PLCB1: variants seen among roughly 807,000 people sequenced by gnomAD.
PLCB1 encodes phospholipase C beta 1.
In PLCB1, 46 loss-of-function variants were observed where a neutral mutation model predicts 161.8. That is an observed-to-expected ratio of 0.28 (90% CI 0.22 to 0.36). The LOEUF (loss-of-function observed/expected upper bound fraction) is 0.36, where lower values mean the gene tolerates loss of function less well. Among genes scored for constraint, PLCB1 ranks in the 10% least tolerant of loss-of-function variants. The pLI, the probability that PLCB1 is intolerant of heterozygous loss-of-function variation, is 1.00. For synonymous variants in PLCB1, 517 were observed against 503.7 expected (o/e 1.03, Z -0.35); for missense variants, 1,016 against 1,472.5 (o/e 0.69, Z 5.07).
chr20:8,794,552 A>G (rs1287239309), intron 31 of PLCB1, among the ~76,000 whole-genome samples: 1 of 152,168 alleles, frequency 6.6e-6, no homozygotes, highest in Non-Finnish European at 1.5e-5. Flanking sequence ...ATGACATCAT[A>G]TTTCTTCCTG....
chr20:8,721,428 C>T (rs946557103), intron 14 of PLCB1, among the ~76,000 whole-genome samples: 5 of 152,070 alleles, frequency 3.3e-5, no homozygotes, highest in African/African-American at 9.7e-5. Context: ...TTTTATATAA[C>T]GGATATTTCT....
chr20:8,768,164 G>A (rs558475261), intron 26 of PLCB1, among the ~76,000 whole-genome samples: 1 of 152,248 alleles, frequency 6.6e-6, no homozygotes, highest in African/African-American at 2.4e-5. Flanking sequence ...GAAGGACTCT[G>A]TCTCAAGACA....
chr20:8,618,834 G>C (rs1462979224), intron 3 of PLCB1, among the ~76,000 whole-genome samples: 1 of 152,060 alleles, frequency 6.6e-6, no homozygotes, highest in African/African-American at 2.4e-5. Flanking sequence ...GCTTTGAATT[G>C]TTAAGATCTT....
chr20:8,637,031 CAA>C (rs5840275), intron 4 of PLCB1, among the ~76,000 whole-genome samples: 39 of 122,128 alleles, frequency 3.2e-4, no homozygotes, highest in South Asian at 7.9e-4. Flanking sequence ...ATGAGCACCA[CAA>C]AAAAAAAAAA....
At chr20:8,487,129 T>C (rs917460871) in intron 3 of PLCB1, among the ~76,000 whole-genome samples, 2 of 152,238 alleles carry the variant, frequency 1.3e-5, no homozygotes. Context: ...TATATGTGTG[T>C]GTCTATGTGT....
chr20:8,506,283 A>G (rs559662408), intron 3 of PLCB1, among the ~76,000 whole-genome samples: 1 of 152,320 alleles, frequency 6.6e-6, no homozygotes, highest in Non-Finnish European at 1.5e-5. Flanking sequence ...ACCTAACTCA[A>G]TTGAACTTGC....
At chr20:8,612,412 C>T (rs1987930234) in intron 3 of PLCB1, among the ~76,000 whole-genome samples, 2 of 152,094 alleles carry the variant, frequency 1.3e-5, no homozygotes, top group Admixed American at 1.3e-4. Flanking sequence ...TCATCTTTGC[C>T]GTCCATTGGA....
At chr20:8,223,052 A>G (rs1979497021) in intron 2 of PLCB1, among the ~76,000 whole-genome samples, 1 of 152,166 alleles carries the variant, frequency 6.6e-6, no homozygotes, top group African/African-American at 2.4e-5. Context: ...TGATAGGTAA[A>G]TGTTCCAACT....
rs1978587225 is a variant in PLCB1, at chr20:8,704,985, T to TTTTTTTTTTC, written c.1168-3676_1168-3675insCTTTTTTTTT. ...AGAAACAGCAAATTCTCCTTTACTC[T>TTTTTTTTTTC]TTTTTTTTTTTTCCTATTCAGGCTT... On this transcript the variant is annotated intron_variant, in intron 11 of 31. Transcript: ENST00000338037. Among the ~76,000 whole-genome samples the TTTTTTTTTTC allele has an allele frequency of 8.9e-4, 5 of 5,598 alleles. No homozygotes were observed. The East Asian group carries it at 0.1, about 112-fold the overall frequency. The allele number at this position is 5,598 out of a possible 152,430, so 3.7% of individuals were successfully genotyped here.
intron 3 of PLCB1, among the ~76,000 whole-genome samples, chr20:8,413,653 CTGTT>C (rs2122519763): frequency 6.6e-6 from 1 of 152,312 alleles, no homozygotes; most frequent in East Asian, 1.9e-4. Context: ...GCTATTACCA[CTGTT>C]TGACCACAAA....
chr20:8,490,247 T>C (rs140506480), intron 3 of PLCB1, among the ~76,000 whole-genome samples: 29 of 152,230 alleles, frequency 1.9e-4, no homozygotes, highest in African/African-American at 6.5e-4. Context: ...GCCAAAAAAA[T>C]TAAGAGCCAT....
At chr20:8,730,998 C>G (rs2123495571) in intron 18 of PLCB1, among the ~76,000 whole-genome samples, 1 of 151,886 alleles carries the variant, frequency 6.6e-6, no homozygotes, top group African/African-American at 2.4e-5. Context: ...GTAATTTAAT[C>G]ATATCTCATT....
At position 8,316,166 on chromosome 20, in the gene PLCB1, G is replaced by A. The variant is rs1600308575; in HGVS notation, c.178-55216G>A. Among the ~76,000 whole-genome samples, 8 of 152,254 alleles carry A rather than the reference G, an allele frequency of 5.3e-5. 1 individual carries two copies. The South Asian group carries it at 1.0e-3, about 20-fold the overall frequency. On this transcript the variant is annotated intron_variant, in intron 2 of 31. Coordinates refer to ENST00000338037, the MANE Select transcript of PLCB1 (RefSeq NM_015192.4). ...TCTGACACTGCTAACTCTACAAAGC[G>A]CTCAAGCTGCAGATCAACATTTGTT...
intron 3 of PLCB1, among the ~76,000 whole-genome samples, chr20:8,405,678 T>C (rs1299014416): frequency 1.3e-5 from 2 of 152,180 alleles, no homozygotes; most frequent in Admixed American, 1.3e-4. Flanking sequence ...AAACCTTCCC[T>C]GTTAGACTTC....
intron 2 of PLCB1, chr20:8,306,083 G>T (rs1984122837): frequency 6.6e-6 from 1 of 151,890 alleles, no homozygotes; most frequent in Non-Finnish European, 1.5e-5. Flanking sequence ...AGAATTGTTG[G>T]GATTAATGCA....
intron 15 of PLCB1, among the ~76,000 whole-genome samples, chr20:8,723,482 C>T (rs1979759443): frequency 6.6e-6 from 1 of 152,084 alleles, no homozygotes; most frequent in Admixed American, 6.6e-5. Flanking sequence ...CTACAGAGGC[C>T]CATTTTGTGC....
At chr20:8,784,323 G>A (rs1338765942) in intron 27 of PLCB1, among the ~76,000 whole-genome samples, 1 of 152,024 alleles carries the variant, frequency 6.6e-6, no homozygotes, top group African/African-American at 2.4e-5. Context: ...AGCACTTTGG[G>A]AGACTGAGAA....
At chr20:8,374,224 C>A (rs751202375) in intron 3 of PLCB1, among the ~76,000 whole-genome samples, 2 of 152,100 alleles carry the variant, frequency 1.3e-5, no homozygotes, top group African/African-American at 4.8e-5. Context: ...TGAGTTCTCA[C>A]GAGATCTGAT....
At position 8,881,836 on chromosome 20, in the gene PLCB1, A is replaced by C; in HGVS notation, c.3638A>C (p.Asp1213Ala). 1.9e-6 allele frequency: 3 copies of C among 1,611,376 alleles called. No individual in the cohort carries two copies. Among genetic ancestry groups the C allele is most frequent in the Non-Finnish European group, 1.7e-6 (2 of 1,177,538 alleles). Residue 1213 changes from aspartate (D) to alanine (A), a missense_variant, in exon 32 of 32, where the codon GAT (aspartate) becomes GCT (alanine). This residue lies in a region of PLCB1 where 398 missense variants were observed against 445.4 expected (regional missense o/e 0.89). Transcript: ENST00000338037. Reference protein sequence around the residue: ...LGGDIPGKEFDTPL With the variant: ...LGGDIPGKEFATPL ...GGAGACATCCCAGGAAAAGAATTTGATACTCCTCTGTGAATGCTCCTGCCA... is the reference window on the plus strand; with the variant it reads ...GGAGACATCCCAGGAAAAGAATTTGCTACTCCTCTGTGAATGCTCCTGCCA...
Sources: gnomAD v4.1 joint callset for allele counts (sites outside exome capture counted in the v4.1 genomes callset) on GRCh38, gnomAD v4.1.1 for gene constraint, gnomAD v4.1.1 regional missense constraint, MANE v1.5 for transcripts, NCBI Gene and HGNC (gene_info 2026-07-23, HGNC 2026-07-21) for gene names.